The following TMEM132D variants were observed in gnomAD, a reference collection of about 807,000 sequenced individuals.
TMEM132D encodes transmembrane protein 132D.
In TMEM132D, 21 loss-of-function variants were observed where a neutral mutation model predicts 62.3. The ratio of observed to expected loss-of-function variants is 0.34; its 90% confidence interval spans 0.24 to 0.49. The LOEUF is 0.49. TMEM132D is among the 20% of genes least tolerant of loss of function. The pLI is 0.99. For synonymous variants in TMEM132D, 621 were observed against 575.6 expected (o/e 1.08, Z -1.13); for missense variants, 1,346 against 1,402.8 (o/e 0.96, Z 0.65).
At chr12:129,595,451 G>A (rs894754406) in intron 2 of TMEM132D, among the ~76,000 whole-genome samples, 8 of 152,280 alleles carry the variant, frequency 5.3e-5, no homozygotes, top group African/African-American at 1.4e-4. Flanking sequence ...AGCTTGAAAC[G>A]GTGGACCTGA....
intron 2 of TMEM132D, among the ~76,000 whole-genome samples, chr12:129,641,946 A>C (rs1012189453): frequency 6.6e-6 from 1 of 152,128 alleles, no homozygotes; most frequent in East Asian, 1.9e-4. Flanking sequence ...GTGTTATATC[A>C]TGCAAATTTT....
At chr12:129,461,280 C>T (rs553402764) in intron 3 of TMEM132D, among the ~76,000 whole-genome samples, 1 of 152,196 alleles carries the variant, frequency 6.6e-6, no homozygotes, top group South Asian at 2.1e-4. Flanking sequence ...GAGAAGGACC[C>T]AGAAAGGGGA....
At chr12:129,282,519 G>A (rs527648841) in intron 4 of TMEM132D, among the ~76,000 whole-genome samples, 53 of 152,236 alleles carry the variant, frequency 3.5e-4, no homozygotes, top group African/African-American at 1.2e-3. Flanking sequence ...ACTAAAAACC[G>A]AAGACCAGGT....
chr12:129,871,256 C>G (rs1874231778), intron 1 of TMEM132D, among the ~76,000 whole-genome samples: 1 of 152,166 alleles, frequency 6.6e-6, no homozygotes, highest in Non-Finnish European at 1.5e-5. Flanking sequence ...CGGAAACATT[C>G]TCTTGGTTTT....
At chr12:129,782,050 A>G (rs570803220) in intron 1 of TMEM132D, among the ~76,000 whole-genome samples, 54 of 152,318 alleles carry the variant, frequency 3.5e-4, no homozygotes, top group African/African-American at 1.2e-3. Context: ...ATGATCCCCA[A>G]TGTAAGAATA....
At chr12:129,529,064 T>TTG (rs148668186) in intron 3 of TMEM132D, among the ~76,000 whole-genome samples, 57 of 152,052 alleles carry the variant, frequency 3.7e-4, no homozygotes, top group South Asian at 8.3e-4. Context: ...ATATAACATA[T>TTG]TGTGTGTGTG....
At chr12:129,778,157 A>T (rs536644115) in intron 1 of TMEM132D, among the ~76,000 whole-genome samples, 58 of 146,338 alleles carry the variant, frequency 4.0e-4, no homozygotes, top group Admixed American at 2.8e-3. Context: ...CCCTTATATA[A>T]TTTTTAACAA....
At chr12:129,694,272 C>T (rs957836382) in intron 2 of TMEM132D, among the ~76,000 whole-genome samples, 1 of 152,158 alleles carries the variant, frequency 6.6e-6, no homozygotes, top group Non-Finnish European at 1.5e-5. Flanking sequence ...TTTCCTCCCC[C>T]AAACCCATGA....
In TMEM132D at chr12:129,568,183, A is replaced by C. The variant is rs559477617; in HGVS notation, c.969-36978T>G. On this transcript the variant is annotated intron_variant, in intron 2 of 8. Coordinates refer to ENST00000422113, the MANE Select transcript of TMEM132D (RefSeq NM_133448.3). ...AGAGTTCCTGCAGGTGTGCTGCTGC[A>C]GTGTGGAGTCCAGTCTCCTTAAAGC... is the stretch of plus-strand genomic sequence containing the variant. Among the ~76,000 whole-genome samples the C allele has an allele frequency of 4.6e-5, 7 of 152,306 alleles. No homozygotes were observed. In the East Asian group the frequency reaches 1.4e-3, roughly 29 times the overall value.
At chr12:129,410,500 C>T (rs1401884179) in intron 3 of TMEM132D, among the ~76,000 whole-genome samples, 2 of 152,066 alleles carry the variant, frequency 1.3e-5, no homozygotes, top group African/African-American at 4.8e-5. Flanking sequence ...GCTGGGATTA[C>T]AGGTGCGCAC....
intron 4 of TMEM132D, among the ~76,000 whole-genome samples, chr12:129,299,834 A>G (rs1881666616): frequency 6.6e-6 from 1 of 152,234 alleles, no homozygotes; most frequent in Non-Finnish European, 1.5e-5. Context: ...TTTGTGCCGT[A>G]AAGTTAAACA....
intron 3 of TMEM132D, among the ~76,000 whole-genome samples, chr12:129,426,856 T>C (rs1056316560): frequency 4.6e-5 from 7 of 152,232 alleles, no homozygotes; most frequent in Non-Finnish European, 1.0e-4. Flanking sequence ...GCTGTGGCAC[T>C]GTGCATGCAG....
rs137862964 is a variant in TMEM132D, at chr12:129,861,208, TTAGAAA to T, written c.79+42047_79+42052del. On this transcript the variant is annotated intron_variant, in intron 1 of 8. Coordinates refer to ENST00000422113, the MANE Select transcript of TMEM132D (RefSeq NM_133448.3). ...ACCACTTTTGCAAACATTTTAACAG[TTAGAAA>T]TAGATAACTTTGAGAAAATTATAAG... 3.8e-3 allele frequency among the ~76,000 whole-genome samples: 580 copies of T among 152,254 alleles called. 3 individuals carry two copies. Among genetic ancestry groups the T allele is most frequent in the African/African-American group, 0.013 (550 of 41,556 alleles).
intron 1 of TMEM132D, among the ~76,000 whole-genome samples, chr12:129,764,854 T>C (rs1473578310): frequency 6.6e-6 from 1 of 152,018 alleles, no homozygotes. Context: ...GGTAGGAGGA[T>C]CGCTTGAGCC....
chr12:129,091,272 CCCT>C (rs1317906553), intron 5 of TMEM132D, among the ~76,000 whole-genome samples: 3 of 150,782 alleles, frequency 2.0e-5, no homozygotes, highest in Non-Finnish European at 4.4e-5. Context: ...GCTCTGGGGA[CCCT>C]TCCTAAACTC....
chr12:129,656,788 T>C (rs874726), intron 2 of TMEM132D, among the ~76,000 whole-genome samples: 36,983 of 152,062 alleles, frequency 0.24, 4,766 homozygotes, highest in Admixed American at 0.29. Flanking sequence ...AGTTAATCAC[T>C]TATAAGAGAT....
At chr12:129,270,871 T>C (rs777597356) in intron 4 of TMEM132D, among the ~76,000 whole-genome samples, 17 of 152,226 alleles carry the variant, frequency 1.1e-4, no homozygotes, top group Non-Finnish European at 2.4e-4. Context: ...ATAATTACAG[T>C]CATGACAAGG....
At chr12:129,372,167 G>A (rs1254099443) in intron 3 of TMEM132D, among the ~76,000 whole-genome samples, 1 of 152,208 alleles carries the variant, frequency 6.6e-6, no homozygotes, top group African/African-American at 2.4e-5. Context: ...TTCTTCCTCA[G>A]AGCCTCTACA....
chr12:129,581,308 G>A (rs547139649), intron 2 of TMEM132D, among the ~76,000 whole-genome samples: 1 of 152,296 alleles, frequency 6.6e-6, no homozygotes, highest in East Asian at 1.9e-4. Flanking sequence ...TGAGCCAAGT[G>A]TACTAGGGTT....
Sources: gnomAD v4.1 joint callset for allele counts (sites outside exome capture counted in the v4.1 genomes callset) on GRCh38, gnomAD v4.1.1 for gene constraint, MANE v1.5 for transcripts, NCBI Gene and HGNC (gene_info 2026-07-23, HGNC 2026-07-21) for gene names.